AGBL1: variants seen among roughly 807,000 people sequenced by gnomAD.
AGBL1 encodes AGBL carboxypeptidase 1.
In AGBL1, 130 loss-of-function variants were observed where a neutral mutation model predicts 118.9. That is an observed-to-expected ratio of 1.09 (90% CI 0.95 to 1.26). The LOEUF (loss-of-function observed/expected upper bound fraction) is 1.26. Ranked by LOEUF, AGBL1 falls within the 50% of genes most tolerant of loss-of-function variation. The probability of loss-of-function intolerance (pLI) is 0.00; values close to 1 mark genes in which losing one functional copy is unlikely to be tolerated. For missense variants in AGBL1, 1,584 were observed against 1,298.1 expected (o/e 1.22, Z -3.38); for synonymous variants, 555 against 478.9 (o/e 1.16, Z -2.08).
intron 18 of AGBL1, among the ~76,000 whole-genome samples, chr15:86,419,882 G>A (rs2142022069): frequency 6.6e-6 from 1 of 152,282 alleles, no homozygotes; most frequent in East Asian, 1.9e-4. Flanking sequence ...CTATAGCTCA[G>A]CAAAGCTGCT....
intron 18 of AGBL1, among the ~76,000 whole-genome samples, chr15:86,496,092 G>A (rs144377334): frequency 5.9e-5 from 9 of 151,752 alleles, no homozygotes; most frequent in Admixed American, 3.9e-4. Context: ...TTATAATCCC[G>A]GCATGTTGAG....
At chr15:86,853,103 G>C (rs944661246) in intron 22 of AGBL1, among the ~76,000 whole-genome samples, 2 of 152,154 alleles carry the variant, frequency 1.3e-5, no homozygotes, top group Non-Finnish European at 2.9e-5. Flanking sequence ...ACAATATCTG[G>C]GGTGGGGCCA....
chr15:86,226,657 A>G (rs2080447456), intron 6 of AGBL1, among the ~76,000 whole-genome samples: 1 of 152,196 alleles, frequency 6.6e-6, no homozygotes, highest in Non-Finnish European at 1.5e-5. Context: ...GGCTTGATTC[A>G]GGCTCAGACC....
chr15:86,176,768 G>T (rs77749525), intron 5 of AGBL1, among the ~76,000 whole-genome samples: 1 of 152,026 alleles, frequency 6.6e-6, no homozygotes, highest in Non-Finnish European at 1.5e-5. Flanking sequence ...TACATCTCTG[G>T]AACAATGTCA....
intron 23 of AGBL1, among the ~76,000 whole-genome samples, chr15:86,941,431 T>A (rs1052339077): frequency 1.3e-5 from 2 of 151,980 alleles, no homozygotes; most frequent in African/African-American, 2.4e-5. Flanking sequence ...CTAAAGAACA[T>A]AGAAATAGTA....
intron 18 of AGBL1, among the ~76,000 whole-genome samples, chr15:86,516,560 A>G (rs2346737): frequency 0.61 from 92,403 of 152,062 alleles, 28,483 homozygotes; most frequent in East Asian, 0.78. Context: ...AGCACTTTGG[A>G]AGGCCAAGGT....
intron 24 of AGBL1, among the ~76,000 whole-genome samples, chr15:87,028,366 GGTTA>G (rs2081754839): frequency 6.6e-6 from 1 of 151,902 alleles, no homozygotes; most frequent in Non-Finnish European, 1.5e-5. Context: ...ACTCAAACGT[GGTTA>G]GTGAGTAAGT....
intron 5 of AGBL1, among the ~76,000 whole-genome samples, chr15:86,209,643 T>A (rs1176898355): frequency 1.3e-5 from 2 of 151,904 alleles, no homozygotes; most frequent in Non-Finnish European, 2.9e-5. Flanking sequence ...AATCCCTGCT[T>A]TTTTTTTGCT....
intron 1 of AGBL1, among the ~76,000 whole-genome samples, chr15:86,092,080 C>A (rs1300343105): frequency 6.6e-6 from 1 of 152,022 alleles, no homozygotes; most frequent in African/African-American, 2.4e-5. Flanking sequence ...TTCAACAAAC[C>A]CTTACTAGGC....
intron 1 of AGBL1, among the ~76,000 whole-genome samples, chr15:86,126,836 T>C (rs1898465251): frequency 6.6e-6 from 1 of 152,232 alleles, no homozygotes; most frequent in Non-Finnish European, 1.5e-5. Context: ...GCAACAAATT[T>C]TCATTGCAGC....
intron 23 of AGBL1, among the ~76,000 whole-genome samples, chr15:86,963,949 T>A (rs548565708): frequency 5.3e-5 from 8 of 150,034 alleles, no homozygotes; most frequent in Admixed American, 4.7e-4. Context: ...TTGGCATAAT[T>A]TAAGAATAGA....
chr15:86,767,821 A>C (rs919184837), intron 22 of AGBL1, among the ~76,000 whole-genome samples: 7 of 151,974 alleles, frequency 4.6e-5, no homozygotes, highest in Non-Finnish European at 8.8e-5. Flanking sequence ...CATTCTGTAA[A>C]GCATGCCACC....
At chr15:86,092,890 A>G (rs1896126074) in intron 1 of AGBL1, among the ~76,000 whole-genome samples, 1 of 152,196 alleles carries the variant, frequency 6.6e-6, no homozygotes, top group Non-Finnish European at 1.5e-5. Context: ...TCATGAGAGA[A>G]GAAACCTCAT....
At chr15:86,782,201 G>A (rs1232853201) in intron 22 of AGBL1, among the ~76,000 whole-genome samples, 2 of 151,724 alleles carry the variant, frequency 1.3e-5, no homozygotes, top group Non-Finnish European at 2.9e-5. Flanking sequence ...ACTCTCAAAG[G>A]GCCTTGACTC....
intron 17 of AGBL1, among the ~76,000 whole-genome samples, chr15:86,342,499 A>G (rs1412790400): frequency 2.0e-5 from 3 of 152,174 alleles, no homozygotes; most frequent in Non-Finnish European, 4.4e-5. Flanking sequence ...ATTAGATTAT[A>G]TTATTCACCC....
intron 1 of AGBL1, among the ~76,000 whole-genome samples, chr15:86,130,651 G>C (rs1231617530): frequency 6.6e-6 from 1 of 152,076 alleles, no homozygotes; most frequent in Non-Finnish European, 1.5e-5. Context: ...TTAAATGCTT[G>C]GTATAGATTT....
rs369594819 is a variant in AGBL1 at position 86,545,996 on chromosome 15, T to G, written c.2686-6T>G. 5 of 1,612,378 alleles carry G rather than the reference T, an allele frequency of 3.1e-6. No homozygotes were observed. The Admixed American group carries it at 5.0e-5, about 16-fold the overall frequency. ...TTTTATTTTCTCCTTTGTTGGGCTA[T>G]TGTAGGTTTTCTGTGACTTCCATGG... On this transcript the variant is annotated splice_polypyrimidine_tract_variant and splice_region_variant and intron_variant, in intron 19 of 22. Coordinates refer to ENST00000614907, the MANE Select transcript of AGBL1 (RefSeq NM_001386094.1).
chr15:86,835,349 C>T (rs2079157073), intron 22 of AGBL1, among the ~76,000 whole-genome samples: 1 of 151,946 alleles, frequency 6.6e-6, no homozygotes, highest in African/African-American at 2.4e-5. Context: ...AAAATCAATC[C>T]TGTAGATTAA....
At chr15:86,356,024 T>C (rs1346622974) in intron 17 of AGBL1, among the ~76,000 whole-genome samples, 1 of 152,156 alleles carries the variant, frequency 6.6e-6, no homozygotes, top group Non-Finnish European at 1.5e-5. Context: ...AGTTGGGCAG[T>C]ATGTGTGCAC....
Sources: allele counts gnomAD v4.1 joint callset (sites outside exome capture counted in the v4.1 genomes callset), GRCh38; gene constraint gnomAD v4.1.1; transcripts MANE v1.5; gene names NCBI Gene and HGNC (gene_info 2026-07-23, HGNC 2026-07-21).